The following RALGAPA1 variants were observed in gnomAD, a reference collection of about 807,000 sequenced individuals.
The protein encoded by RALGAPA1 is Ral GTPase activating protein catalytic subunit alpha 1.
In RALGAPA1, 52 loss-of-function variants were observed where a neutral mutation model predicts 269.6. The observed-to-expected ratio is 0.19, with a 90% CI of 0.15 to 0.24. RALGAPA1 has a LOEUF of 0.24. Among genes scored for constraint, RALGAPA1 ranks in the 10% least tolerant of loss-of-function variants. The pLI, the probability that RALGAPA1 is intolerant of heterozygous loss-of-function variation, is 1.00. For synonymous variants in RALGAPA1, 817 were observed against 1,008.3 expected (o/e 0.81, Z 3.60); for missense variants, 1,917 against 3,013.9 (o/e 0.64, Z 8.52).
chr14:35,593,621 A>G (rs1014071450), intron 37 of RALGAPA1, among the ~76,000 whole-genome samples: 12 of 152,084 alleles, frequency 7.9e-5, no homozygotes, highest in Non-Finnish European at 1.6e-4. Context: ...TCCCAGCATT[A>G]TAGGCTGAAG....
At chr14:35,583,710 G>GA (rs1043892610) in intron 37 of RALGAPA1, among the ~76,000 whole-genome samples, 6 of 151,358 alleles carry the variant, frequency 4.0e-5, no homozygotes, top group Admixed American at 1.3e-4. Context: ...GAAACCAGAG[G>GA]AAAAAAAATC....
At chr14:35,777,450 T>TTCA in intron 1 of RALGAPA1, among the ~76,000 whole-genome samples, 1 of 152,314 alleles carries the variant, frequency 6.6e-6, no homozygotes, top group South Asian at 2.1e-4. Context: ...TCAGTGTAAG[T>TTCA]GAGAATGCTG....
At chr14:35,599,827 C>T (rs1229637236) in intron 36 of RALGAPA1, among the ~76,000 whole-genome samples, 1 of 147,036 alleles carries the variant, frequency 6.8e-6, no homozygotes, top group African/African-American at 2.7e-5. Flanking sequence ...GCACCTGGCT[C>T]CCACAGTTTC....
At position 35,723,026 on chromosome 14, in the gene RALGAPA1, C is replaced by T; in HGVS notation, c.2104+1G>A. On this transcript the variant is annotated splice_donor_variant, in intron 15 of 41. Transcript: ENST00000680220. LOFTEE classifies it high-confidence loss of function. ...AGAGCATCTCTATGAACAATTCTTA[C>T]CTTTCCCTTTGTGCTTTTTTTGTTT... is the stretch of plus-strand genomic sequence containing the variant. 1 of 1,585,824 alleles carries T rather than the reference C, an allele frequency of 6.3e-7. No homozygotes were observed. Among genetic ancestry groups the T allele is most frequent in the Non-Finnish European group, 8.7e-7 (1 of 1,155,306 alleles).
intron 1 of RALGAPA1, among the ~76,000 whole-genome samples, chr14:35,784,928 A>G (rs556217256): frequency 7.9e-4 from 121 of 152,310 alleles, no homozygotes; most frequent in African/African-American, 2.7e-3. Context: ...CACATCCATA[A>G]TCTCAACACT....
At chr14:35,642,275 G>A (rs61989605) in intron 31 of RALGAPA1, among the ~76,000 whole-genome samples, 2,530 of 152,130 alleles carry the variant, frequency 0.017, 35 homozygotes, top group Middle Eastern at 0.027. Context: ...GATTCTGCAC[G>A]GCAAAGTAAA....
rs539144194 is a variant in RALGAPA1, at chr14:35,553,231, T to C, written c.7497-3997A>G. Reference sequence around the variant, plus strand: ...GGTGCTGTCTCTAGGAGGGCAATTTTTGATGTCAGTTTAAGAAATATACCT... The same window carrying C: ...GGTGCTGTCTCTAGGAGGGCAATTTCTGATGTCAGTTTAAGAAATATACCT... On this transcript the variant is annotated intron_variant, in intron 39 of 41. Coordinates refer to ENST00000680220, the MANE Select transcript of RALGAPA1 (RefSeq NM_001346249.2). Among the ~76,000 whole-genome samples, 6 of 152,296 alleles carry C rather than the reference T, an allele frequency of 3.9e-5. No individual in the cohort carries two copies. The South Asian group carries it at 1.0e-3, about 26-fold the overall frequency.
At chr14:35,705,021 A>T (rs1259721501) in intron 16 of RALGAPA1, among the ~76,000 whole-genome samples, 1 of 152,126 alleles carries the variant, frequency 6.6e-6, no homozygotes, top group African/African-American at 2.4e-5. Context: ...TTTTCAAAAC[A>T]GTTTTAGGTT....
intron 16 of RALGAPA1, among the ~76,000 whole-genome samples, chr14:35,706,182 T>C (rs1330849530): frequency 6.6e-6 from 1 of 152,256 alleles, no homozygotes; most frequent in Non-Finnish European, 1.5e-5. Flanking sequence ...TGAATTTTAT[T>C]GTTGGTATTG....
chr14:35,726,730 A>T (rs982937881), intron 13 of RALGAPA1, among the ~76,000 whole-genome samples: 2 of 152,244 alleles, frequency 1.3e-5, no homozygotes, highest in Admixed American at 6.5e-5. Flanking sequence ...TCTACATAGC[A>T]AGTCAGTCAC....
chr14:35,722,276 G>A (rs1050618304), intron 15 of RALGAPA1, among the ~76,000 whole-genome samples: 6 of 152,220 alleles, frequency 3.9e-5, no homozygotes, highest in Admixed American at 2.6e-4. Flanking sequence ...AGTATGAAAT[G>A]TGACTTAGAT....
At chr14:35,733,665 T>G (rs1219744844) in intron 12 of RALGAPA1, among the ~76,000 whole-genome samples, 1 of 151,630 alleles carries the variant, frequency 6.6e-6, no homozygotes, top group African/African-American at 2.4e-5. Context: ...CTCAAGGAAC[T>G]AGAGAAACAA....
intron 6 of RALGAPA1, among the ~76,000 whole-genome samples, chr14:35,757,371 C>T (rs374347505): frequency 3.3e-5 from 5 of 152,104 alleles, no homozygotes; most frequent in East Asian, 3.9e-4. Context: ...CTGCCCGCCT[C>T]GGCCTCCCAA....
At position 35,600,717 on chromosome 14, in the gene RALGAPA1, C is replaced by A. The variant is rs112498092; in HGVS notation, c.7053+4869G>T. Among the ~76,000 whole-genome samples the A allele has an allele frequency of 6.6e-5, 10 of 152,238 alleles. No individual in the cohort carries two copies. In the East Asian group the frequency reaches 1.5e-3, roughly 23 times the overall value. On this transcript the variant is annotated intron_variant, in intron 36 of 41. Transcript: ENST00000680220. ...GTTCTTTACATTTTCTATTTCTTTGCTGAGACTATTTTTCATTTGTTTCAA... is the reference window on the plus strand; with the variant it reads ...GTTCTTTACATTTTCTATTTCTTTGATGAGACTATTTTTCATTTGTTTCAA...
At chr14:35,760,743 T>G (rs2073626537) in intron 6 of RALGAPA1, 86 bp downstream of exon 6, 11 of 928,396 alleles carry the variant, frequency 1.2e-5, no homozygotes, top group Non-Finnish European at 1.8e-5. Flanking sequence ...ACCCAGTTAA[T>G]GAATGCACAG....
At chr14:35,763,776 GTATATA>G (rs61365812) in intron 4 of RALGAPA1, among the ~76,000 whole-genome samples, 3 of 149,472 alleles carry the variant, frequency 2.0e-5, no homozygotes, top group Admixed American at 2.0e-4. Flanking sequence ...CCCGGGGTGT[GTATATA>G]TATATATATA....
At chr14:35,701,794 C>A (rs2067372270) in intron 16 of RALGAPA1, among the ~76,000 whole-genome samples, 1 of 152,066 alleles carries the variant, frequency 6.6e-6, no homozygotes, top group Non-Finnish European at 1.5e-5. Flanking sequence ...AGGCATATGT[C>A]ACCATGCTTG....
At chr14:35,717,667 C>T (rs1224177150) in intron 16 of RALGAPA1, among the ~76,000 whole-genome samples, 1 of 152,106 alleles carries the variant, frequency 6.6e-6, no homozygotes, top group Non-Finnish European at 1.5e-5. Flanking sequence ...TCTTGTACCT[C>T]AGCCTCCTGA....
At chr14:35,669,085 A>G (rs1050946010) in intron 26 of RALGAPA1, among the ~76,000 whole-genome samples, 7 of 152,126 alleles carry the variant, frequency 4.6e-5, no homozygotes, top group Non-Finnish European at 7.3e-5. Flanking sequence ...GGACATATTT[A>G]TGTATATTTT....
Sources: gnomAD v4.1 joint callset for allele counts (sites outside exome capture counted in the v4.1 genomes callset) on GRCh38, gnomAD v4.1.1 for gene constraint, MANE v1.5 for transcripts, NCBI Gene and HGNC (gene_info 2026-07-23, HGNC 2026-07-21) for gene names.